The following THOC2 variants were observed in gnomAD, a reference collection of about 807,000 sequenced individuals.
THOC2 encodes the protein THO complex 2.
A neutral mutation model predicts 128.4 loss-of-function variants in THOC2; 10 were observed. That is an observed-to-expected ratio of 0.08 (90% confidence interval 0.05 to 0.13). THOC2 has a LOEUF of 0.13. Among genes scored for constraint, THOC2 ranks in the 10% least tolerant of loss-of-function variants. THOC2 has a pLI of 1.00. For missense variants in THOC2, 535 were observed against 1,155.7 expected, an observed-to-expected ratio of 0.46 and a Z score of 7.79; for synonymous variants, 393 against 396.9, an observed-to-expected ratio of 0.99 and a Z score of 0.12.
intron 2 of THOC2, among the ~76,000 whole-genome samples, chrX:123,708,915 T>G (rs940811916): frequency 9.0e-6 from 1 of 111,092 alleles, no homozygotes; most frequent in Non-Finnish European, 1.9e-5. Flanking sequence ...CCCAGCTAAT[T>G]TTTATATTTT....
At position 123,701,711 on chromosome X, in the gene THOC2, T is replaced by C. The variant is rs371337086; in HGVS notation, c.274+1743A>G. Among the ~76,000 whole-genome samples, 34 of 109,536 alleles carry C rather than the reference T, an allele frequency of 3.1e-4. No individual in the cohort carries two copies. In the East Asian group the frequency reaches 7.7e-3, roughly 25 times the overall value. ...TATTTGCAAAAAAAAAAAAAGGTAA[T>C]ATCTTTAGTGCCTCACTAAAAATTT... On this transcript the variant is annotated intron_variant, in intron 4 of 38. Transcript: ENST00000245838.
At chrX:123,718,043 T>C (rs757969645) in intron 1 of THOC2, among the ~76,000 whole-genome samples, 10 of 112,545 alleles carry the variant, frequency 8.9e-5, no homozygotes, top group Admixed American at 4.7e-4. Context: ...AACTGTATAT[T>C]ACAAAACTAG....
In THOC2 at chrX:123,727,585, T is replaced by G. The variant is rs748022677; in HGVS notation, c.71+5367A>C. Among the ~76,000 whole-genome samples the G allele has an allele frequency of 7.1e-5, 8 of 112,484 alleles. No individual in the cohort carries two copies. The South Asian group carries it at 2.9e-3, about 41-fold the overall frequency. ...TTAATAACTTTCAAATACTTGAGTT[T>G]ACCATTTTTCCACTTTTTAATTTAA... On this transcript the variant is annotated intron_variant, in intron 1 of 38. Coordinates refer to ENST00000245838, the MANE Select transcript of THOC2 (RefSeq NM_001081550.2).
chrX:123,639,649 G>A (rs764797410), intron 16 of THOC2, among the ~76,000 whole-genome samples: 2 of 111,033 alleles, frequency 1.8e-5, no homozygotes, highest in Non-Finnish European at 3.8e-5. Context: ...AGACACTGGG[G>A]ACTCTAAAAG....
chrX:123,657,416 GTAAATAAA>G (rs764312246), intron 12 of THOC2, among the ~76,000 whole-genome samples: 40 of 109,612 alleles, frequency 3.6e-4, no homozygotes, highest in African/African-American at 1.2e-3. Flanking sequence ...GATGCAAAAA[GTAAATAAA>G]TAAATAAATA....
chrX:123,719,081 G>A (rs1412423063), intron 1 of THOC2, among the ~76,000 whole-genome samples: 1 of 108,776 alleles, frequency 9.2e-6, no homozygotes, highest in African/African-American at 3.4e-5. Flanking sequence ...GGGAGGCTGA[G>A]GCAGGAGAAT....
chrX:123,642,163 C>T (rs992367109), intron 15 of THOC2, among the ~76,000 whole-genome samples: 1 of 112,144 alleles, frequency 8.9e-6, no homozygotes, highest in African/African-American at 3.2e-5. Context: ...CAGTGGCTCA[C>T]GCCTGTAATC....
chrX:123,699,013 A>C (rs1234505627), intron 4 of THOC2, among the ~76,000 whole-genome samples: 1 of 111,933 alleles, frequency 8.9e-6, no homozygotes, highest in Admixed American at 9.5e-5. Flanking sequence ...TTGTCAAAAA[A>C]TTTTCTGATC....
chrX:123,687,170 G>A (rs1177239021), intron 7 of THOC2, among the ~76,000 whole-genome samples: 3 of 111,325 alleles, frequency 2.7e-5, no homozygotes, highest in Non-Finnish European at 3.8e-5. Context: ...TTAAAAGTCC[G>A]GGTTCACAAA....
At chrX:123,694,860 G>A (rs2050388078) in intron 7 of THOC2, among the ~76,000 whole-genome samples, 1 of 111,902 alleles carries the variant, frequency 8.9e-6, no homozygotes, top group Non-Finnish European at 1.9e-5. Flanking sequence ...GGGCACAGTG[G>A]CTCATGCCTG....
In THOC2 at chrX:123,697,702, T is replaced by C; in HGVS notation, c.324A>G (p.Thr108=). 1.8e-6 allele frequency: 2 copies of C among 1,100,749 alleles called. No homozygotes were observed. The highest frequency in any genetic ancestry group is 1.2e-6 in the Non-Finnish European group (1 of 812,627). 90.7% of individuals were successfully genotyped at this position (1,100,749 alleles called of 1,213,427 possible). The change falls in exon 5 of 39, where the codon ACA becomes ACG. Residue 108 remains threonine (T), a synonymous_variant. Coordinates refer to ENST00000245838, the MANE Select transcript of THOC2 (RefSeq NM_001081550.2). ...LEEKSKRDYF[T]QLVLACLYLV... ...TTACCAAACATGCTAATACCAACTGTGTAAAATAGTCTCTCTTGCTTTTTT... is the reference window on the plus strand; with the variant it reads ...TTACCAAACATGCTAATACCAACTGCGTAAAATAGTCTCTCTTGCTTTTTT...
At chrX:123,621,023 TAA>T in intron 31 of THOC2, 58 bp from the exon 32 acceptor site, 1 of 1,172,011 alleles carries the variant, frequency 8.5e-7, no homozygotes. Flanking sequence ...TCCAAACACT[TAA>T]AAAAAAACAC....
chrX:123,636,876 T>A (rs2047693131), intron 18 of THOC2, among the ~76,000 whole-genome samples: 1 of 111,645 alleles, frequency 9.0e-6, no homozygotes, highest in Non-Finnish European at 1.9e-5. Flanking sequence ...AGGAGCTGAG[T>A]CTAGTGGAAG....
chrX:123,602,396 T>C (rs988424231), intron 38 of THOC2: 2 of 112,205 alleles, frequency 1.8e-5, no homozygotes, highest in African/African-American at 3.2e-5. Context: ...CATTTAGCCA[T>C]AAAAAGGAAT....
At chrX:123,690,826 T>C (rs1192602483) in intron 7 of THOC2, among the ~76,000 whole-genome samples, 1 of 112,144 alleles carries the variant, frequency 8.9e-6, no homozygotes, top group African/African-American at 3.2e-5. Flanking sequence ...TAAAAATCTA[T>C]GCTAGACTAT....
rs137994150 is a variant in THOC2 at position 123,642,055 on chromosome X, G to A, written c.1662-1433C>T. Among the ~76,000 whole-genome samples, 664 of 112,064 alleles carry A rather than the reference G, an allele frequency of 5.9e-3. 4 individuals are homozygous for A. Among genetic ancestry groups the A allele is most frequent in the Middle Eastern group, 0.024 (5 of 212 alleles). ...TTCATTCATTCATATTAATGCCTAC[G>A]ATGACAGTCAAAGTACTAAGCATTA... On this transcript the variant is annotated intron_variant, in intron 15 of 38. Coordinates refer to ENST00000245838, the MANE Select transcript of THOC2 (RefSeq NM_001081550.2).
At chrX:123,660,652 C>T (rs766151917) in intron 12 of THOC2, among the ~76,000 whole-genome samples, 1 of 112,132 alleles carries the variant, frequency 8.9e-6, no homozygotes, top group African/African-American at 3.2e-5. Flanking sequence ...CAGGCACTAG[C>T]TAACATGAAT....
At chrX:123,712,989 C>A (rs2051254692) in intron 1 of THOC2, 81 bp from the exon 2 acceptor site, 4 of 640,403 alleles carry the variant, frequency 6.2e-6, no homozygotes, top group Non-Finnish European at 9.3e-6. Flanking sequence ...TATCAACTGG[C>A]AAGTAAAAAA....
chrX:123,712,994 A>T (rs2051255043), intron 1 of THOC2, 86 bp from the exon 2 acceptor site: 1 of 554,425 alleles, frequency 1.8e-6, no homozygotes, highest in Non-Finnish European at 2.8e-6. Flanking sequence ...ACTGGCAAGT[A>T]AAAAAAAATT....
Sources: allele counts gnomAD v4.1 joint callset (sites outside exome capture counted in the v4.1 genomes callset), GRCh38; gene constraint gnomAD v4.1.1; transcripts MANE v1.5; gene names NCBI Gene and HGNC (gene_info 2026-07-23, HGNC 2026-07-21).